The following FNDC1 variants were observed in gnomAD, a reference collection of about 807,000 sequenced individuals.
The protein encoded by FNDC1 is fibronectin type III domain-containing protein 1.
FNDC1 carries 96 observed loss-of-function variants against 168.0 expected under a neutral mutation model. That is an observed-to-expected ratio of 0.57 (90% CI 0.48 to 0.68). The LOEUF is 0.68. Among genes scored for constraint, FNDC1 ranks in the 30% least tolerant of loss-of-function variants. FNDC1 has a pLI of 0.00. For synonymous variants in FNDC1, 1,099 were observed against 1,025.9 expected (o/e 1.07, Z -1.36); for missense variants, 2,587 against 2,482.1 (o/e 1.04, Z -0.90).
intron 11 of FNDC1, among the ~76,000 whole-genome samples, chr6:159,235,084 G>T (rs146757580): frequency 4.4e-4 from 67 of 152,332 alleles, no homozygotes; most frequent in African/African-American, 1.4e-3. Flanking sequence ...AGTGCATGTT[G>T]TCTAAAACCT....
rs1041221857 is a variant in FNDC1 at position 159,239,747 on chromosome 6, G to A, written c.4411G>A (p.Ala1471Thr). The part of the protein sequence containing the change: ...PTTTTPRPTT[A>T]TTRRTTTTRR... ...CACTACAACCCCGAGGCCCACCACT[G>A]CCACCACCCGCCGCACGACCACCAC... is the stretch of plus-strand genomic sequence containing the variant. Residue 1471 changes from alanine to threonine, a missense_variant, in exon 14 of 23, where the codon GCC (alanine) becomes ACC (threonine). Ala to Thr is a moderately conservative substitution (Grantham distance 58). Coordinates refer to ENST00000297267, the MANE Select transcript of FNDC1 (RefSeq NM_032532.3). 15 of 1,545,766 alleles carry A rather than the reference G, an allele frequency of 9.7e-6. No homozygotes were observed. In the African/African-American group the frequency reaches 2.1e-4, roughly 21 times the overall value.
intron 20 of FNDC1, among the ~76,000 whole-genome samples, chr6:159,265,399 G>A (rs1438789279): frequency 6.6e-6 from 1 of 152,194 alleles, no homozygotes; most frequent in Non-Finnish European, 1.5e-5. Flanking sequence ...CAGGTCTTCT[G>A]AGTGGCAAGA....
chr6:159,234,341 C>T lies in FNDC1; in HGVS notation c.3829C>T (p.Pro1277Ser), dbSNP rs752637131. ...ATVSPVAGTH[P>S]WPQYTTRAPP... Reference sequence around the variant, plus strand: ...CGTGAGCCCCGTCGCGGGCACCCACCCCTGGCCGCAGTACACCACGCGCGC... The same window carrying T: ...CGTGAGCCCCGTCGCGGGCACCCACTCCTGGCCGCAGTACACCACGCGCGC... The change falls in exon 11 of 23, where the codon CCC becomes TCC. Residue 1277 changes from proline to serine, a missense_variant. Transcript: ENST00000297267. The T allele has an allele frequency of 6.2e-7, 1 of 1,611,448 alleles. No homozygotes were observed.
At chr6:159,262,305 T>A (rs915788790) in intron 19 of FNDC1, among the ~76,000 whole-genome samples, 1 of 152,204 alleles carries the variant, frequency 6.6e-6, no homozygotes, top group East Asian at 1.9e-4. Context: ...AATGGGTCAT[T>A]GGAAGATATT....
intron 5 of FNDC1, among the ~76,000 whole-genome samples, chr6:159,220,642 A>G (rs1451865950): frequency 3.3e-5 from 5 of 152,236 alleles, no homozygotes; most frequent in Non-Finnish European, 7.3e-5. Flanking sequence ...TGGGTCTCAG[A>G]CTTTATGATT....
intron 21 of FNDC1, among the ~76,000 whole-genome samples, chr6:159,267,164 C>G (rs1272281157): frequency 6.6e-6 from 1 of 152,042 alleles, no homozygotes; most frequent in Admixed American, 6.5e-5. Flanking sequence ...CTCCTTCGAC[C>G]CCAACCCTAG....
intron 4 of FNDC1, among the ~76,000 whole-genome samples, chr6:159,205,147 G>C (rs1182463970): frequency 2.6e-5 from 4 of 152,134 alleles, no homozygotes; most frequent in Non-Finnish European, 5.9e-5. Context: ...CCCAGTGCCT[G>C]GTTCAGAAAG....
At chr6:159,234,529 A>C (rs140115307) in intron 11 of FNDC1, 50 bp downstream of exon 11, 3 of 1,569,314 alleles carry the variant, frequency 1.9e-6, no homozygotes, top group Non-Finnish European at 2.6e-6. Flanking sequence ...AGTGGTGTTC[A>C]TGGCAATGCC....
At chr6:159,244,635 T>C (rs912348049) in intron 14 of FNDC1, among the ~76,000 whole-genome samples, 1 of 152,248 alleles carries the variant, frequency 6.6e-6, no homozygotes, top group Non-Finnish European at 1.5e-5. Flanking sequence ...TCTACTTCAA[T>C]TTCCCCTTAA....
chr6:159,236,294 T>C lies in FNDC1; in HGVS notation c.4047T>C (p.Asn1349=). 1 of 1,613,452 alleles carries C rather than the reference T, an allele frequency of 6.2e-7. No individual in the cohort carries two copies. The highest frequency in any genetic ancestry group is 8.5e-7 in the Non-Finnish European group (1 of 1,179,534). Reference sequence around the variant, plus strand: ...AACCGAATGGACAGAGAATTATCAATGGCCCTCAAGGAACAAAGTGGGTAG... The same window carrying C: ...AACCGAATGGACAGAGAATTATCAACGGCCCTCAAGGAACAAAGTGGGTAG... The part of the protein sequence containing the change: ...NGKPNGQRII[N]GPQGTKWVVD... Residue 1349 remains asparagine (N), a synonymous_variant, in exon 12 of 23, where the codon AAT becomes AAC. Transcript: ENST00000297267.
intron 5 of FNDC1, 75 bp downstream of exon 5, chr6:159,215,226 TGACA>T: frequency 7.6e-7 from 1 of 1,310,826 alleles, no homozygotes; most frequent in South Asian, 1.3e-5. Context: ...AGCTCATTCA[TGACA>T]GAGCATTATA....
Position 159,234,064 on chromosome 6 carries a change from C to G in FNDC1, c.3552C>G (p.Asp1184Glu), listed in dbSNP as rs1190597320. 6.2e-7 allele frequency: 1 copy of G among 1,612,396 alleles called. No homozygotes were observed. Among genetic ancestry groups the G allele is most frequent in the Non-Finnish European group, 8.5e-7 (1 of 1,179,402 alleles). ...CAGCCGAGGACGACGAGGAGGAGGACGCGGGATTTTTTAAAGGCGGGAAAG... is the reference window on the plus strand; with the variant it reads ...CAGCCGAGGACGACGAGGAGGAGGAGGCGGGATTTTTTAAAGGCGGGAAAG... ...SVSAEDDEEE[D>E]AGFFKGGKED... The change falls in exon 11 of 23, where the codon GAC (aspartate) becomes GAG (glutamate). Residue 1184 changes from aspartate (D) to glutamate (E), a missense_variant. Transcript: ENST00000297267.
chr6:159,202,549 T>C (rs1324321635), intron 4 of FNDC1, among the ~76,000 whole-genome samples: 1 of 152,230 alleles, frequency 6.6e-6, no homozygotes, highest in Non-Finnish European at 1.5e-5. Context: ...GGATTCACTT[T>C]AGTGCTTTGA....
At chr6:159,180,850 T>C (rs1314555889) in intron 1 of FNDC1, among the ~76,000 whole-genome samples, 1 of 152,180 alleles carries the variant, frequency 6.6e-6, no homozygotes, top group African/African-American at 2.4e-5. Flanking sequence ...CCATGGTGTA[T>C]ATGTCCCGCA....
chr6:159,241,786 A>C (rs1159064919), intron 14 of FNDC1, among the ~76,000 whole-genome samples: 2 of 152,164 alleles, frequency 1.3e-5, no homozygotes, highest in Admixed American at 6.5e-5. Context: ...TGATGTATGC[A>C]TAGAAAAAGT....
intron 17 of FNDC1, among the ~76,000 whole-genome samples, chr6:159,252,368 A>C (rs1457947125): frequency 6.6e-6 from 1 of 152,172 alleles, no homozygotes; most frequent in Non-Finnish European, 1.5e-5. Flanking sequence ...CACAATTCAA[A>C]ATTTCTAGTG....
chr6:159,254,179 A>G (rs1385507055), intron 17 of FNDC1, among the ~76,000 whole-genome samples: 4 of 152,148 alleles, frequency 2.6e-5, no homozygotes, highest in African/African-American at 9.7e-5. Context: ...ATTCGATGTT[A>G]TTGATCTTTT....
In FNDC1 at chr6:159,266,187, G is replaced by T. The variant is rs753340648; in HGVS notation, c.5388G>T (p.Val1796=). Residue 1796 remains valine, a synonymous_variant, in exon 21 of 23, where the codon GTG becomes GTT. Transcript: ENST00000297267. Reference sequence around the variant, plus strand: ...AGCGCACGTGGTATCGAAAGTTCGTGGGAGTTGTTCTTTGTAATTCACTGA... The same window carrying T: ...AGCGCACGTGGTATCGAAAGTTCGTTGGAGTTGTTCTTTGTAATTCACTGA... ...YVKRTWYRKF[V]GVVLCNSLRY... 6.2e-7 allele frequency: 1 copy of T among 1,613,986 alleles called. No individual in the cohort carries two copies. Among genetic ancestry groups the T allele is most frequent in the Admixed American group, 1.7e-5 (1 of 60,022 alleles).
chr6:159,228,899 C>T (rs945192268), intron 9 of FNDC1, among the ~76,000 whole-genome samples: 11 of 152,126 alleles, frequency 7.2e-5, no homozygotes, highest in African/African-American at 2.4e-4. Context: ...TGGTCTCAAA[C>T]TTCTGACCTC....
Sources: allele counts gnomAD v4.1 joint callset (sites outside exome capture counted in the v4.1 genomes callset), GRCh38; gene constraint gnomAD v4.1.1; transcripts MANE v1.5; gene names NCBI Gene and HGNC (gene_info 2026-07-23, HGNC 2026-07-21).